ABCA10: variants seen among roughly 807,000 people sequenced by gnomAD.
ABCA10 encodes the protein ATP-binding cassette sub-family A member 10.
Under a neutral mutation model 187.5 loss-of-function variants are expected in ABCA10, and 169 were observed. The observed-to-expected ratio is 0.90, with a 90% CI of 0.80 to 1.02. The LOEUF is 1.02. Among genes scored for constraint, ABCA10 ranks in the 50% least tolerant of loss-of-function variants. The pLI is 0.00. For synonymous variants in ABCA10, 574 were observed against 601.8 expected (o/e 0.95, Z 0.68); for missense variants, 1,727 against 1,812.4 (o/e 0.95, Z 0.86).
In ABCA10 at chr17:69,215,886, G is replaced by T; in HGVS notation, c.787C>A (p.Gln263Lys). 6.2e-7 allele frequency: 1 copy of T among 1,613,536 alleles called. No homozygotes were observed. Among genetic ancestry groups the T allele is most frequent in the Non-Finnish European group, 8.5e-7 (1 of 1,179,790 alleles). The change falls in exon 8 of 39, where the codon CAA (glutamine) becomes AAA (lysine). Residue 263 changes from glutamine to lysine, a missense_variant. Coordinates refer to ENST00000690296, the MANE Select transcript of ABCA10 (RefSeq NM_001377321.1). Reference sequence around the variant, plus strand: ...ACCCATCCCAAAGATAAAGGAAGTTGTCTATATAACACAGTGAATCCCAGA... The same window carrying T: ...ACCCATCCCAAAGATAAAGGAAGTTTTCTATATAACACAGTGAATCCCAGA... ...GCLGFTVLYR[Q>K]LPLSLGWVLS...
intron 25 of ABCA10, among the ~76,000 whole-genome samples, chr17:69,167,487 C>A (rs2074261997): frequency 6.6e-6 from 1 of 152,070 alleles, no homozygotes; most frequent in Non-Finnish European, 1.5e-5. Context: ...ACAGGATTTA[C>A]AATAGAACTA....
rs1402455503 is a variant in ABCA10, at chr17:69,155,823, A to G, written c.3558T>C (p.Thr1186=). ...TGTTCACCTCCTCCAAGTTTGGAGC[A>G]GTGAGTGCATTTGCTGCTTGGACTC... ...AERVQAANAL[T]APNLEEEPVI... is the part of the protein sequence containing the mutation. The change falls in exon 29 of 39, where the codon ACT becomes ACC. Residue 1186 remains threonine (T), a synonymous_variant. Transcript: ENST00000690296. 6.2e-7 allele frequency: 1 copy of G among 1,613,736 alleles called. No homozygotes were observed. The highest frequency in any genetic ancestry group is 1.7e-5 in the Admixed American group (1 of 60,010).
Position 69,225,478 on chromosome 17 carries a change from G to T in ABCA10, c.-120C>A. The T allele has an allele frequency of 1.1e-6, 1 of 899,868 alleles. No homozygotes were observed. Among genetic ancestry groups the T allele is most frequent in the Non-Finnish European group, 1.7e-6 (1 of 579,556 alleles). 55.7% of individuals were successfully genotyped at this position (899,868 alleles called of 1,614,324 possible). ...TCAGGAAAACGGGTAGCTCTGAAGT[G>T]TTCCGAAAAGATGCACAAATATAGC... is the stretch of plus-strand genomic sequence containing the variant. On this transcript the variant is annotated 5_prime_UTR_variant, in exon 3 of 39. Transcript: ENST00000690296.
At chr17:69,185,146 G>C (rs1340004166) in intron 20 of ABCA10, among the ~76,000 whole-genome samples, 2 of 151,980 alleles carry the variant, frequency 1.3e-5, no homozygotes, top group African/African-American at 4.8e-5. Flanking sequence ...TGAGGACTTG[G>C]GAAAGGGTGG....
rs774190060 is a variant in ABCA10, at chr17:69,152,060, CTG to C, written c.4378_4379del (p.Gln1460GlyfsTer14). The C allele has an allele frequency of 3.7e-6, 6 of 1,610,324 alleles. No homozygotes were observed. On this transcript the variant is annotated frameshift_variant, in exon 36 of 39. Coordinates refer to ENST00000690296, the MANE Select transcript of ABCA10 (RefSeq NM_001377321.1). LOFTEE classifies it high-confidence loss of function. ...LHTEILKLFP[Q>X]AAWQERYSSL... ...TCCTTTACCTTTCCTGCCAAGCAGC[CTG>C]TGGGAAAAGCTTCAAAATCTCTGTG...
chr17:69,186,387 G>A (rs1228593981), intron 19 of ABCA10, among the ~76,000 whole-genome samples: 1 of 152,072 alleles, frequency 6.6e-6, no homozygotes, highest in Non-Finnish European at 1.5e-5. Context: ...CTTTTATTCT[G>A]TTGAAGTAGA....
At chr17:69,149,564 A>C (rs1187940342) in intron 37 of ABCA10, among the ~76,000 whole-genome samples, 1 of 152,146 alleles carries the variant, frequency 6.6e-6, no homozygotes, top group East Asian at 1.9e-4. Context: ...ACCTTCACTC[A>C]GTCCTCCAAC....
At chr17:69,222,498 CAA>C in intron 4 of ABCA10, 33 bp downstream of exon 4, 2 of 1,453,838 alleles carry the variant, frequency 1.4e-6, no homozygotes, top group Admixed American at 2.6e-5. Context: ...CATGAAGTAT[CAA>C]AAAAAAATTA....
Position 69,174,381 on chromosome 17 carries a change from A to T in ABCA10, c.3062T>A (p.Ile1021Asn). 1 of 1,593,892 alleles carries T rather than the reference A, an allele frequency of 6.3e-7. No individual in the cohort carries two copies. Residue 1021 changes from isoleucine (I) to asparagine (N), a missense_variant, in exon 25 of 39, where the codon ATT (isoleucine) becomes AAT (asparagine). By Grantham distance (149) the Ile-to-Asn change is moderately radical. Transcript: ENST00000690296. The stretch of plus-strand genomic sequence containing the variant: ...GAATATAAGAGAAACTGCACAACCA[A>T]TTATGCATACCACCTGCAAATAATG... Reference protein sequence around the residue: ...ELMFVLVVCIIGCAVSLIFLT... With the variant: ...ELMFVLVVCINGCAVSLIFLT...
intron 9 of ABCA10, among the ~76,000 whole-genome samples, chr17:69,210,193 T>TTTTTTC (rs2074629677): frequency 8.8e-6 from 1 of 113,192 alleles, no homozygotes; most frequent in African/African-American, 4.1e-5. Flanking sequence ...TTTTTTTTTT[T>TTTTTTC]TTTTTTTGAG....
chr17:69,152,802 GTAAA>G (rs35681422), intron 34 of ABCA10, among the ~76,000 whole-genome samples: 96,653 of 149,626 alleles, frequency 0.65, 32,152 homozygotes, highest in Admixed American at 0.72. Context: ...ATACAATTAA[GTAAA>G]TAAATAAATA....
At position 69,182,211 on chromosome 17, in the gene ABCA10, A is replaced by T; in HGVS notation, c.2711T>A (p.Leu904His). ...CTCCGTGAAGTTAAAAATTCCCATA[A>T]GGGCATTGCTAACAATTCCCATAAG... ...PVLMGIVSNALMGIFNFTELI... is the reference protein window; with the variant it reads ...PVLMGIVSNAHMGIFNFTELI... Residue 904 changes from leucine (L) to histidine (H), a missense_variant, in exon 22 of 39, where the codon CTT (leucine) becomes CAT (histidine). Leu to His is a moderately conservative substitution (Grantham distance 99, BLOSUM62 -3). Coordinates refer to ENST00000690296, the MANE Select transcript of ABCA10 (RefSeq NM_001377321.1). 2.5e-6 allele frequency: 4 copies of T among 1,601,198 alleles called. No individual in the cohort carries two copies. Among genetic ancestry groups the T allele is most frequent in the Non-Finnish European group, 3.4e-6 (4 of 1,173,188 alleles).
chr17:69,179,799 T>C (rs865814448), intron 22 of ABCA10, among the ~76,000 whole-genome samples: 2 of 152,134 alleles, frequency 1.3e-5, no homozygotes, highest in Non-Finnish European at 2.9e-5. Context: ...CCAAATACCA[T>C]CTTTCTTCCT....
chr17:69,216,765 A>G (rs949854491), intron 6 of ABCA10, among the ~76,000 whole-genome samples: 1 of 152,104 alleles, frequency 6.6e-6, no homozygotes, highest in Non-Finnish European at 1.5e-5. Flanking sequence ...TCTCCCCTTT[A>G]AACTTCCTTA....
chr17:69,242,236 A>G (rs2074907332), intron 1 of ABCA10, among the ~76,000 whole-genome samples: 1 of 152,236 alleles, frequency 6.6e-6, no homozygotes, highest in African/African-American at 2.4e-5. Flanking sequence ...ATTTGGCCAA[A>G]GAAATTACTA....
At chr17:69,222,481 G>C (rs748618886) in intron 4 of ABCA10, 52 bp downstream of exon 4, 4 of 1,368,776 alleles carry the variant, frequency 2.9e-6, no homozygotes, top group Non-Finnish European at 3.9e-6. Context: ...TTCCAAACAG[G>C]GGATTCCATG....
chr17:69,240,127 T>C (rs574425198), intron 1 of ABCA10, among the ~76,000 whole-genome samples: 123 of 152,302 alleles, frequency 8.1e-4, no homozygotes, highest in African/African-American at 2.9e-3. Context: ...TGTTCTGCAT[T>C]GTTTGATCAT....
At chr17:69,202,383 G>C (rs553848094) in intron 9 of ABCA10, among the ~76,000 whole-genome samples, 1 of 152,162 alleles carries the variant, frequency 6.6e-6, no homozygotes, top group South Asian at 2.1e-4. Flanking sequence ...TAAAATAAAA[G>C]AGAACTTTTT....
chr17:69,220,450 C>CTGAA (rs1468326450), intron 5 of ABCA10, among the ~76,000 whole-genome samples: 6 of 152,102 alleles, frequency 3.9e-5, no homozygotes, highest in African/African-American at 1.4e-4. Context: ...GGTGGCAGAA[C>CTGAA]TGAAGTACAT....
Sources: allele counts gnomAD v4.1 joint callset (sites outside exome capture counted in the v4.1 genomes callset), GRCh38; gene constraint gnomAD v4.1.1; transcripts MANE v1.5; gene names NCBI Gene and HGNC (gene_info 2026-07-23, HGNC 2026-07-21).